Variants in KIN observed in about 807,000 individuals in gnomAD.
KIN encodes the protein Kin17 DNA and RNA binding protein.
In KIN, 47 loss-of-function variants were observed where a neutral mutation model predicts 63.0. That is an observed-to-expected ratio of 0.75 (90% CI 0.59 to 0.95). The LOEUF (loss-of-function observed/expected upper bound fraction) is 0.95, where lower values mean the gene tolerates loss of function less well. Ranked by LOEUF, KIN falls within the 40% of genes least tolerant of loss-of-function variation. KIN has a pLI of 0.00. For synonymous variants in KIN, 160 were observed against 157.7 expected (o/e 1.01, Z -0.11); for missense variants, 408 against 460.9 (o/e 0.89, Z 1.05).
chr10:7,783,951 A>G (rs1779490757), intron 1 of KIN, among the ~76,000 whole-genome samples: 1 of 152,084 alleles, frequency 6.6e-6, no homozygotes, highest in Non-Finnish European at 1.5e-5. Flanking sequence ...AGATTTCCAC[A>G]CTCGATTTTG....
chr10:7,778,983 T>C lies in KIN; in HGVS notation c.413A>G (p.Tyr138Cys). Residue 138 changes from tyrosine to cysteine, a missense_variant, in exon 5 of 13, where the codon TAT becomes TGT. By Grantham distance (194) the Tyr-to-Cys change is radical. This residue lies in a region of KIN where 298 missense variants were observed against 296.0 expected (regional missense o/e 1.01). Transcript: ENST00000379562. The stretch of plus-strand genomic sequence containing the variant: ...TGGGTCCCTGTCTATGTACTGAATA[T>C]ACCAGCCTTTTGGTGTCTCGTCCAC... ...CKVDETPKGWYIQYIDRDPET... is the reference protein window; with the variant it reads ...CKVDETPKGWCIQYIDRDPET... 6.2e-7 allele frequency: 1 copy of C among 1,614,002 alleles called. No homozygotes were observed. Among genetic ancestry groups the C allele is most frequent in the Non-Finnish European group, 8.5e-7 (1 of 1,180,016 alleles).
At chr10:7,759,859 G>T (rs1835404645) in intron 12 of KIN, 31 bp downstream of exon 12, 2 of 1,086,408 alleles carry the variant, frequency 1.8e-6, no homozygotes, top group Non-Finnish European at 1.4e-6. Context: ...AAAGCATTTT[G>T]AAATTTCTGT....
rs1415834726 is a variant in KIN, at chr10:7,751,349, T to A, written c.*4731A>T. On this transcript the variant is annotated 3_prime_UTR_variant, in exon 13 of 13. Coordinates refer to ENST00000379562, the MANE Select transcript of KIN (RefSeq NM_012311.4). ...TTTTTTTGGACATATCCAACCCATA[T>A]TTGAAAAAGCAAGTGAGCTCCTCTA... is the stretch of plus-strand genomic sequence containing the variant. 6.6e-6 allele frequency: 1 copy of A among 152,168 alleles called. No homozygotes were observed. The highest frequency in any genetic ancestry group is 6.6e-5 in the Admixed American group (1 of 15,266). The allele number at this position is 152,168 out of a possible 1,614,324, so 9.4% of individuals were successfully genotyped here. A position where few individuals can be genotyped will look rare whatever the true frequency, so the allele number is the denominator to read the frequency against.
rs1835253111 is a variant in KIN, at chr10:7,752,025, G to C, written c.*4055C>G. 1.6e-3 allele frequency: 2 copies of C among 1,248 alleles called. 1 individual carries two copies. Among genetic ancestry groups the C allele is most frequent in the East Asian group, 0.5 (2 of 4 alleles). 0.1% of individuals were successfully genotyped at this position (1,248 alleles called of 1,614,324 possible). On this transcript the variant is annotated 3_prime_UTR_variant, in exon 13 of 13. Transcript: ENST00000379562. ...AGTCCGCAGTCCGGCCTGGGCGACA[G>C]AGCGAGACTCCGTCTCAAAAAAAAA...
In KIN at chr10:7,762,487, T is replaced by A. The variant is rs747302138; in HGVS notation, c.988A>T (p.Thr330Ser). The A allele has an allele frequency of 6.2e-7, 1 of 1,611,088 alleles. No individual in the cohort carries two copies. The highest frequency in any genetic ancestry group is 2.2e-5 in the East Asian group (1 of 44,810). Reference protein sequence around the residue: ...DSGDKLKLDQTHLETVIPAPG... With the variant: ...DSGDKLKLDQSHLETVIPAPG... ...GCTGGAATTACTGTCTCTAAATGAG[T>A]CTGGTCAAGTTTCAGCTTGTCTCCA... The change falls in exon 11 of 13, where the codon ACT becomes TCT. Residue 330 changes from threonine (T) to serine (S), a missense_variant. This residue lies in a region of KIN where 298 missense variants were observed against 296.0 expected (regional missense o/e 1.01). Transcript: ENST00000379562.
chr10:7,784,917 C>A, intron 1 of KIN, among the ~76,000 whole-genome samples: 1 of 152,114 alleles, frequency 6.6e-6, no homozygotes, highest in South Asian at 2.1e-4. Flanking sequence ...TATTGGCTTC[C>A]TTATATGATG....
chr10:7,787,499 T>C (rs1836046929), intron 1 of KIN, among the ~76,000 whole-genome samples: 1 of 152,188 alleles, frequency 6.6e-6, no homozygotes. Context: ...GTTACTGGCA[T>C]TGCCCGGGCG....
chr10:7,758,078 CTT>C (rs200701372), intron 12 of KIN, among the ~76,000 whole-genome samples: 4,523 of 134,656 alleles, frequency 0.034, 92 homozygotes, highest in South Asian at 0.059. Flanking sequence ...GACAGATTCC[CTT>C]TTTTTTTTTT....
At chr10:7,760,084 T>C in intron 11 of KIN, 94 bp from the exon 12 acceptor site, 1 of 589,286 alleles carries the variant, frequency 1.7e-6, no homozygotes, top group Non-Finnish European at 2.9e-6. Flanking sequence ...TGAATAAACA[T>C]AATAAAAAAC....
Position 7,769,310 on chromosome 10 carries a change from C to T in KIN, c.704G>A (p.Ser235Asn), listed in dbSNP as rs768703107. ...TTCTTTTCGTTTCACTGATGCTGAA[C>T]TTCCTATCGTCTTCAGTGCACTCGG... ...LGPSALKTIG[S>N]SASVKRKESS... is the part of the protein sequence containing the mutation. Residue 235 changes from serine to asparagine, a missense_variant, in exon 8 of 13, where the codon AGT (serine) becomes AAT (asparagine). Physicochemically the swap from Ser to Asn is conservative, Grantham distance 46. This residue lies in a region of KIN where 298 missense variants were observed against 296.0 expected (regional missense o/e 1.01). Transcript: ENST00000379562. The T allele has an allele frequency of 3.1e-6, 5 of 1,613,888 alleles. No homozygotes were observed. The highest frequency in any genetic ancestry group is 3.4e-6 in the Non-Finnish European group (4 of 1,179,866).
intron 12 of KIN, 59 bp from the exon 13 acceptor site, chr10:7,756,201 A>G (rs1165411219): frequency 1.0e-6 from 1 of 998,770 alleles, no homozygotes; most frequent in East Asian, 2.6e-5. Flanking sequence ...AAGACAAAAA[A>G]ATGACACCAT....
rs997725236 is a variant in KIN at position 7,755,160 on chromosome 10, G to A, written c.*920C>T. The A allele has an allele frequency of 8.5e-5, 13 of 152,232 alleles. No homozygotes were observed. The highest frequency in any genetic ancestry group is 3.8e-4 in the East Asian group (2 of 5,198). 9.4% of individuals were successfully genotyped at this position (152,232 alleles called of 1,614,324 possible). A position where few individuals can be genotyped will look rare whatever the true frequency, so the allele number is the denominator to read the frequency against. ...TGCTCTGGAAGAGTTTGGCAGAAGC[G>A]AAAGCTTCTGTTCACATAAAATCCT... On this transcript the variant is annotated 3_prime_UTR_variant, in exon 13 of 13. Coordinates refer to ENST00000379562, the MANE Select transcript of KIN (RefSeq NM_012311.4).
chr10:7,777,847 T>C (rs1835810421), intron 5 of KIN, among the ~76,000 whole-genome samples: 1 of 148,288 alleles, frequency 6.7e-6, no homozygotes, highest in Non-Finnish European at 1.5e-5. Flanking sequence ...TGCAGTCAGC[T>C]GAAATCGCGC....
At chr10:7,783,023 C>T in intron 2 of KIN, 58 bp downstream of exon 2, 1 of 772,048 alleles carries the variant, frequency 1.3e-6, no homozygotes, top group African/African-American at 1.8e-5. Flanking sequence ...TATTAACCAT[C>T]TATTAAATGT....
intron 1 of KIN, among the ~76,000 whole-genome samples, chr10:7,785,515 G>A (rs1190653367): frequency 6.6e-6 from 1 of 151,932 alleles, no homozygotes; most frequent in Non-Finnish European, 1.5e-5. Flanking sequence ...AAAGACGGCT[G>A]GGCGCAGTGG....
In KIN at chr10:7,759,887, TAC is replaced by T. The variant is rs763542127; in HGVS notation, c.1119+1_1119+2del. 4.4e-5 allele frequency: 64 copies of T among 1,440,420 alleles called. No homozygotes were observed. The highest frequency in any genetic ancestry group is 6.0e-5 in the Non-Finnish European group (62 of 1,034,776). The allele number at this position is 1,440,420 out of a possible 1,614,324, so 89.2% of individuals were successfully genotyped here. A position where few individuals can be genotyped will look rare whatever the true frequency, so the allele number is the denominator to read the frequency against. On this transcript the variant is annotated splice_donor_variant, in intron 12 of 12. Transcript: ENST00000379562. LOFTEE classifies it high-confidence loss of function. ...ATTTCTGTCTTTGTGTAAACAAACT[TAC>T]AGTTTCAATGACGATAGTAGCTGAA...
intron 10 of KIN, 114 bp from the exon 11 acceptor site, chr10:7,762,670 C>G (rs1305823435): frequency 1.8e-6 from 1 of 557,580 alleles, no homozygotes; most frequent in Admixed American, 3.4e-5. Flanking sequence ...GAAAGAGTAA[C>G]TCCTTCTATA....
intron 12 of KIN, among the ~76,000 whole-genome samples, chr10:7,757,617 T>C (rs1269090900): frequency 6.6e-6 from 1 of 152,128 alleles, no homozygotes; most frequent in Non-Finnish European, 1.5e-5. Context: ...ATGATGACAA[T>C]GATGATGACT....
In KIN at chr10:7,753,856, C is replaced by G. The variant is rs754812316; in HGVS notation, c.*2224G>C. ...TTCTTTACTGCCTCTTACATTTCTG[C>G]TAACAGCATACGTTCTCCCATCTTC... On this transcript the variant is annotated 3_prime_UTR_variant, in exon 13 of 13. Transcript: ENST00000379562. 2.5e-4 allele frequency: 71 copies of G among 282,200 alleles called. No homozygotes were observed. Among genetic ancestry groups the G allele is most frequent in the Non-Finnish European group, 2.0e-4 (27 of 138,084 alleles). The allele number at this position is 282,200 out of a possible 1,614,324, so 17.5% of individuals were successfully genotyped here.
Sources: allele counts gnomAD v4.1 joint callset (sites outside exome capture counted in the v4.1 genomes callset), GRCh38; gene constraint gnomAD v4.1.1; regional missense constraint gnomAD v4.1.1; transcripts MANE v1.5; gene names NCBI Gene and HGNC (gene_info 2026-07-23, HGNC 2026-07-21).